ARHGAP44: variants seen among roughly 807,000 people sequenced by gnomAD.
ARHGAP44 encodes Rho GTPase activating protein 44, also known as rho GTPase-activating protein 44.
A neutral mutation model predicts 106.8 loss-of-function variants in ARHGAP44; 43 were observed. That is an observed-to-expected ratio of 0.40 (90% confidence interval 0.32 to 0.52). ARHGAP44 has a LOEUF of 0.52. ARHGAP44 is among the 20% of genes least tolerant of loss of function. The pLI is 0.48. For synonymous variants in ARHGAP44, 439 were observed against 410.3 expected, an observed-to-expected ratio of 1.07 and a Z score of -0.85; for missense variants, 866 against 1,050.5, an observed-to-expected ratio of 0.82 and a Z score of 2.43.
intron 1 of ARHGAP44, among the ~76,000 whole-genome samples, chr17:12,881,126 G>A (rs2036725467): frequency 6.6e-6 from 1 of 150,830 alleles, no homozygotes; most frequent in Admixed American, 6.6e-5. Flanking sequence ...CTTTTTTCTA[G>A]TGTCTTTCTT....
Position 12,852,448 on chromosome 17 carries a change from A to G in ARHGAP44, c.54-42492A>G, listed in dbSNP as rs569874063. On this transcript the variant is annotated intron_variant, in intron 1 of 20. Coordinates refer to ENST00000379672, the MANE Select transcript of ARHGAP44 (RefSeq NM_014859.6). ...TTTTATGTTTTTTTGAAGAACCTCT[A>G]TTAGTTTTCATTAAATCCCTCTATT... 5.3e-5 allele frequency among the ~76,000 whole-genome samples: 8 copies of G among 149,878 alleles called. No homozygotes were observed. In the South Asian group the frequency reaches 1.7e-3, roughly 32 times the overall value.
At chr17:12,829,909 T>A (rs2150810840) in intron 1 of ARHGAP44, among the ~76,000 whole-genome samples, 1 of 152,348 alleles carries the variant, frequency 6.6e-6, no homozygotes, top group Admixed American at 6.5e-5. Flanking sequence ...GTCATCAGGG[T>A]CAGAGATTTT....
chr17:12,854,865 G>A (rs1297282903), intron 1 of ARHGAP44, among the ~76,000 whole-genome samples: 5 of 150,462 alleles, frequency 3.3e-5, no homozygotes, highest in East Asian at 4.0e-4. Flanking sequence ...GGCCGAGGCC[G>A]CAGAATCGCT....
At chr17:12,941,205 A>C in intron 8 of ARHGAP44, 81 bp downstream of exon 8, 2 of 1,287,740 alleles carry the variant, frequency 1.6e-6, no homozygotes, top group Non-Finnish European at 2.2e-6. Context: ...GAGTCCCTTA[A>C]TTGATCACAT....
intron 1 of ARHGAP44, among the ~76,000 whole-genome samples, chr17:12,887,843 T>G (rs908555216): frequency 1.3e-4 from 19 of 151,940 alleles, no homozygotes; most frequent in African/African-American, 4.6e-4. Context: ...CTATTTCATA[T>G]TATGTGTATT....
chr17:12,903,839 G>A (rs1304706668), intron 3 of ARHGAP44, among the ~76,000 whole-genome samples: 1 of 152,114 alleles, frequency 6.6e-6, no homozygotes, highest in Non-Finnish European at 1.5e-5. Flanking sequence ...AAATGGGGGC[G>A]ACCAAAGTTT....
In ARHGAP44 at chr17:12,950,023, ATAGG is replaced by A. The variant is rs893871551; in HGVS notation, c.1055+297_1055+300del. Among the ~76,000 whole-genome samples, 3 of 152,360 alleles carry A rather than the reference ATAGG, an allele frequency of 2.0e-5. No individual in the cohort carries two copies. The South Asian group carries it at 6.2e-4, about 32-fold the overall frequency. On this transcript the variant is annotated intron_variant, in intron 12 of 20. Coordinates refer to ENST00000379672, the MANE Select transcript of ARHGAP44 (RefSeq NM_014859.6). ...TCGCACACTCTGGAACAATTAAAAAATAGGTAGAGTTATTCATGCTAACATAAAT... is the reference window on the plus strand; with the variant it reads ...TCGCACACTCTGGAACAATTAAAAAATAGAGTTATTCATGCTAACATAAAT...
At chr17:12,835,705 G>T (rs1038524167) in intron 1 of ARHGAP44, among the ~76,000 whole-genome samples, 3 of 152,124 alleles carry the variant, frequency 2.0e-5, no homozygotes, top group African/African-American at 7.2e-5. Context: ...GTTCAATCTT[G>T]TTAAGTATAT....
intron 1 of ARHGAP44, among the ~76,000 whole-genome samples, chr17:12,843,741 C>T (rs1050408750): frequency 1.1e-4 from 17 of 150,622 alleles, no homozygotes; most frequent in Admixed American, 3.3e-4. Flanking sequence ...CTGCAACCAC[C>T]ACCACCCAGG....
intron 16 of ARHGAP44, among the ~76,000 whole-genome samples, chr17:12,962,168 G>T (rs868304187): frequency 6.6e-6 from 1 of 151,996 alleles, no homozygotes; most frequent in South Asian, 2.1e-4. Flanking sequence ...GGGTAAAATT[G>T]CAAAGAAATG....
At chr17:12,811,595 CA>C (rs2034443432) in intron 1 of ARHGAP44, among the ~76,000 whole-genome samples, 1 of 152,082 alleles carries the variant, frequency 6.6e-6, no homozygotes, top group South Asian at 2.1e-4. Flanking sequence ...GTTCAAAGGC[CA>C]ACTGTATATA....
At chr17:12,875,399 G>A (rs2036522471) in intron 1 of ARHGAP44, among the ~76,000 whole-genome samples, 2 of 152,086 alleles carry the variant, frequency 1.3e-5, no homozygotes, top group Admixed American at 1.3e-4. Flanking sequence ...TTTGAGACCA[G>A]CCTGGACAAC....
chr17:12,910,346 C>A (rs1598038899), intron 4 of ARHGAP44, among the ~76,000 whole-genome samples: 2 of 138,336 alleles, frequency 1.4e-5, no homozygotes, highest in Admixed American at 7.7e-5. Flanking sequence ...GGTAGATTAA[C>A]AGGAGAAAAG....
At chr17:12,813,793 A>G (rs2034510899) in intron 1 of ARHGAP44, among the ~76,000 whole-genome samples, 1 of 148,954 alleles carries the variant, frequency 6.7e-6, no homozygotes, top group South Asian at 2.2e-4. Flanking sequence ...CATATATTGC[A>G]CCCCACATCA....
intron 14 of ARHGAP44, among the ~76,000 whole-genome samples, chr17:12,956,238 G>C (rs1025406189): frequency 6.6e-6 from 1 of 152,104 alleles, no homozygotes; most frequent in Non-Finnish European, 1.5e-5. Context: ...ATTGGGATGA[G>C]GGGAAAGGAG....
intron 1 of ARHGAP44, among the ~76,000 whole-genome samples, chr17:12,878,583 A>G (rs2036626916): frequency 6.6e-6 from 1 of 152,192 alleles, no homozygotes; most frequent in African/African-American, 2.4e-5. Context: ...ATTTACAAAG[A>G]TGAGACCTAA....
intron 1 of ARHGAP44, among the ~76,000 whole-genome samples, chr17:12,889,858 A>G (rs1178693225): frequency 6.6e-6 from 1 of 151,762 alleles, no homozygotes; most frequent in East Asian, 1.9e-4. Flanking sequence ...TCCTATCTCA[A>G]AAGAGAGAAA....
intron 8 of ARHGAP44, among the ~76,000 whole-genome samples, 152 bp downstream of exon 8, chr17:12,941,276 G>C (rs2038701935): frequency 1.3e-5 from 2 of 152,134 alleles, no homozygotes; most frequent in Admixed American, 6.5e-5. Context: ...CCATGCTCCT[G>C]ATATGGATTT....
At chr17:12,819,926 T>C (rs143038901) in intron 1 of ARHGAP44, among the ~76,000 whole-genome samples, 14 of 152,240 alleles carry the variant, frequency 9.2e-5, no homozygotes, top group African/African-American at 3.1e-4. Flanking sequence ...AAGTTCAAGT[T>C]ATCATCATTT....
Sources: gnomAD v4.1 joint callset for allele counts (sites outside exome capture counted in the v4.1 genomes callset) on GRCh38, gnomAD v4.1.1 for gene constraint, MANE v1.5 for transcripts, NCBI Gene and HGNC (gene_info 2026-07-23, HGNC 2026-07-21) for gene names.